DTNBP1: variants seen among roughly 807,000 people sequenced by gnomAD.
DTNBP1 encodes the protein dysbindin.
DTNBP1 carries 35 observed loss-of-function variants against 42.8 expected under a neutral mutation model. The observed-to-expected ratio is 0.82, with a 90% confidence interval of 0.63 to 1.09. The LOEUF (loss-of-function observed/expected upper bound fraction) is 1.09. Ranked by LOEUF, DTNBP1 falls within the 50% of genes least tolerant of loss-of-function variation. The probability of loss-of-function intolerance (pLI) is 0.00; values close to 1 mark genes in which losing one functional copy is unlikely to be tolerated. For missense variants in DTNBP1, 457 were observed against 424.2 expected, an observed-to-expected ratio of 1.08 and a Z score of -0.68; for synonymous variants, 171 against 162.2, an observed-to-expected ratio of 1.05 and a Z score of -0.41.
intron 8 of DTNBP1, among the ~76,000 whole-genome samples, chr6:15,525,473 C>A (rs1165112963): frequency 3.9e-5 from 6 of 152,218 alleles, no homozygotes; most frequent in African/African-American, 1.4e-4. Context: ...ATTTGTAACA[C>A]ACATGAAATG....
At chr6:15,573,953 C>T (rs1449855099) in intron 7 of DTNBP1, among the ~76,000 whole-genome samples, 1 of 152,194 alleles carries the variant, frequency 6.6e-6, no homozygotes, top group African/African-American at 2.4e-5. Context: ...GATCCACCCA[C>T]CTCGGCCTCC....
chr6:15,600,824 G>C (rs16876668), intron 6 of DTNBP1, among the ~76,000 whole-genome samples: 312 of 152,312 alleles, frequency 2.0e-3, no homozygotes, highest in African/African-American at 7.3e-3. Context: ...TTTTGCTGTG[G>C]AAGACAATTT....
At chr6:15,523,453 G>T (rs1772063076) in intron 9 of DTNBP1, 7 of 1,298,770 alleles carry the variant, frequency 5.4e-6, no homozygotes, top group Non-Finnish European at 6.0e-6. Flanking sequence ...AGCCACATGT[G>T]ACACAGATCA....
At chr6:15,655,362 C>A (rs537362776) in intron 1 of DTNBP1, among the ~76,000 whole-genome samples, 17 of 152,230 alleles carry the variant, frequency 1.1e-4, no homozygotes, top group South Asian at 4.1e-4. Context: ...TGGGCTCAAG[C>A]TATCCTCCCA....
rs201270780 is a variant in DTNBP1, at chr6:15,662,797, G to A, written c.56+17C>T. ...CGGCCCCCTCAGGTCCCTTTTCGTC[G>A]CCCACCGTATACCCACCCGGAGGTG... On this transcript the variant is annotated intron_variant, in intron 1 of 9. Transcript: ENST00000344537. 2.5e-6 allele frequency: 4 copies of A among 1,611,890 alleles called. No homozygotes were observed. Among genetic ancestry groups the A allele is most frequent in the Admixed American group, 3.3e-5 (2 of 59,982 alleles).
At chr6:15,601,103 G>A (rs1374314573) in intron 6 of DTNBP1, among the ~76,000 whole-genome samples, 2 of 152,160 alleles carry the variant, frequency 1.3e-5, no homozygotes, top group East Asian at 3.8e-4. Context: ...GAACATCTGG[G>A]ATACTGGTGT....
At chr6:15,638,262 GGA>G (rs1217915227) in intron 3 of DTNBP1, among the ~76,000 whole-genome samples, 2 of 151,970 alleles carry the variant, frequency 1.3e-5, no homozygotes, top group African/African-American at 4.8e-5. Flanking sequence ...CGAGTAGCTG[GGA>G]TTACAGGTGT....
chr6:15,646,282 CACACAT>C (rs1375231563), intron 3 of DTNBP1, among the ~76,000 whole-genome samples: 2 of 151,158 alleles, frequency 1.3e-5, no homozygotes, highest in African/African-American at 4.9e-5. Flanking sequence ...CACACACACA[CACACAT>C]ATACAATACC....
chr6:15,551,989 G>A (rs1044106132), intron 7 of DTNBP1, among the ~76,000 whole-genome samples: 6 of 152,122 alleles, frequency 3.9e-5, no homozygotes, highest in African/African-American at 7.2e-5. Context: ...CACAGCTGAC[G>A]GGAAACACCA....
chr6:15,569,534 A>G (rs1775252144), intron 7 of DTNBP1, among the ~76,000 whole-genome samples: 1 of 151,778 alleles, frequency 6.6e-6, no homozygotes, highest in Non-Finnish European at 1.5e-5. Context: ...GTTTCCTCCC[A>G]TCTCCTCTTT....
intron 7 of DTNBP1, among the ~76,000 whole-genome samples, chr6:15,533,837 G>A (rs1773042461): frequency 1.3e-5 from 2 of 152,210 alleles, no homozygotes; most frequent in Non-Finnish European, 2.9e-5. Flanking sequence ...AGGATTTGGA[G>A]TCCCTGCAAG....
intron 7 of DTNBP1, among the ~76,000 whole-genome samples, chr6:15,563,309 AG>A (rs1326860365): frequency 1.3e-5 from 2 of 152,220 alleles, no homozygotes; most frequent in Non-Finnish European, 2.9e-5. Flanking sequence ...GGTTAGGCAA[AG>A]GGTTCCTGAA....
At chr6:15,606,493 G>C (rs1460503605) in intron 6 of DTNBP1, among the ~76,000 whole-genome samples, 2 of 152,112 alleles carry the variant, frequency 1.3e-5, no homozygotes, top group Non-Finnish European at 2.9e-5. Flanking sequence ...ATGACTTAAT[G>C]CAACTCAATC....
At chr6:15,569,113 C>T (rs775938334) in intron 7 of DTNBP1, among the ~76,000 whole-genome samples, 11 of 152,244 alleles carry the variant, frequency 7.2e-5, no homozygotes, top group Admixed American at 1.3e-4. Context: ...GCACTTTGAC[C>T]CACTTCCTTG....
intron 7 of DTNBP1, among the ~76,000 whole-genome samples, chr6:15,556,268 A>C (rs1248369910): frequency 2.0e-5 from 3 of 148,814 alleles, no homozygotes; most frequent in Admixed American, 1.4e-4. Context: ...TGCAACCTCC[A>C]CCTCCTAGGT....
intron 6 of DTNBP1, among the ~76,000 whole-genome samples, chr6:15,595,842 A>C (rs1186455760): frequency 1.3e-5 from 2 of 152,210 alleles, no homozygotes; most frequent in East Asian, 3.8e-4. Flanking sequence ...AATACTTCAG[A>C]ACAGCAGGCT....
At chr6:15,601,335 TAAGA>T (rs1334545812) in intron 6 of DTNBP1, among the ~76,000 whole-genome samples, 1 of 152,240 alleles carries the variant, frequency 6.6e-6, no homozygotes, top group Non-Finnish European at 1.5e-5. Context: ...TCATTTTAAT[TAAGA>T]AATATTCTTA....
At chr6:15,600,527 G>A (rs2113652586) in intron 6 of DTNBP1, among the ~76,000 whole-genome samples, 1 of 151,978 alleles carries the variant, frequency 6.6e-6, no homozygotes, top group South Asian at 2.1e-4. Context: ...TCTACATTTG[G>A]GAAAAAATGA....
intron 6 of DTNBP1, among the ~76,000 whole-genome samples, chr6:15,612,891 T>G (rs971273010): frequency 1.3e-5 from 2 of 152,232 alleles, no homozygotes; most frequent in Admixed American, 6.5e-5. Context: ...CATTTAACAA[T>G]GAAGACTAGC....
Sources: gnomAD v4.1 joint callset for allele counts (sites outside exome capture counted in the v4.1 genomes callset) on GRCh38, gnomAD v4.1.1 for gene constraint, MANE v1.5 for transcripts, NCBI Gene and HGNC (gene_info 2026-07-23, HGNC 2026-07-21) for gene names.